Variants in USH1C observed in about 807,000 individuals in gnomAD.
The protein encoded by USH1C is harmonin.
Under a neutral mutation model 119.3 loss-of-function variants are expected in USH1C, and 90 were observed. That is an observed-to-expected ratio of 0.75 (90% CI 0.64 to 0.90). The LOEUF is 0.90. Ranked by LOEUF, USH1C falls within the 40% of genes least tolerant of loss-of-function variation. The probability of loss-of-function intolerance (pLI) is 0.00; values close to 1 mark genes in which losing one functional copy is unlikely to be tolerated. For synonymous variants in USH1C, 465 were observed against 443.3 expected (o/e 1.05, Z -0.62); for missense variants, 1,165 against 1,167.7 (o/e 1.00, Z 0.03).
At chr11:17,512,107 G>C in intron 15 of USH1C, 53 bp from the exon 16 acceptor site, 1 of 1,594,436 alleles carries the variant, frequency 6.3e-7, no homozygotes. Context: ...AGTGTCGACA[G>C]CACAGCACAC....
rs1392099861 is a variant in USH1C, at chr11:17,509,826, G to T, written c.1543C>A (p.Pro515Thr). ...GACACAGAAGGCGGGGGAGGCGGGG[G>T]CCCTGTGGTCATCTGGGGGTGTTGC... ...DNEISEMTTGPPPPPPSVSPL... is the reference protein window; with the variant it reads ...DNEISEMTTGTPPPPPSVSPL... Residue 515 changes from proline (P) to threonine (T), a missense_variant, in exon 18 of 27, where the codon CCC becomes ACC. Transcript: ENST00000005226. The T allele has an allele frequency of 4.4e-6, 7 of 1,595,378 alleles. No individual in the cohort carries two copies. In the East Asian group the frequency reaches 1.6e-4, roughly 36 times the overall value.
chr11:17,543,569 C>T (rs961307044), intron 1 of USH1C, among the ~76,000 whole-genome samples: 2 of 152,178 alleles, frequency 1.3e-5, no homozygotes, highest in African/African-American at 4.8e-5. Flanking sequence ...CTGTGTGAAA[C>T]CTGGCCACTT....
intron 14 of USH1C, chr11:17,517,507 C>A (rs1365667535): frequency 1.7e-5 from 27 of 1,563,586 alleles, no homozygotes; most frequent in Non-Finnish European, 2.3e-5. Flanking sequence ...AGCTGGTGAA[C>A]CAAAAGGGAC....
intron 8 of USH1C, among the ~76,000 whole-genome samples, chr11:17,525,757 C>T (rs898160950): frequency 1.3e-5 from 2 of 152,188 alleles, no homozygotes; most frequent in Admixed American, 1.3e-4. Flanking sequence ...CAAACAGGCT[C>T]CTTTTGCAGT....
intron 13 of USH1C, 73 bp from the exon 14 acceptor site, chr11:17,521,067 C>A: frequency 6.3e-7 from 1 of 1,595,442 alleles, no homozygotes; most frequent in Non-Finnish European, 8.6e-7. Context: ...ATCGGAGAGC[C>A]CCAGCCAGCC....
At chr11:17,508,709 A>C (rs1021444253) in intron 18 of USH1C, among the ~76,000 whole-genome samples, 1 of 152,180 alleles carries the variant, frequency 6.6e-6, no homozygotes, top group African/African-American at 2.4e-5. Context: ...AAACATTCCT[A>C]TTCTTTTAAT....
chr11:17,528,337 C>G (rs1850803175), intron 4 of USH1C, among the ~76,000 whole-genome samples: 1 of 152,180 alleles, frequency 6.6e-6, no homozygotes, highest in Non-Finnish European at 1.5e-5. Flanking sequence ...GCCGGCTCCT[C>G]CAGGCACCCC....
intron 23 of USH1C, 31 bp downstream of exon 23, chr11:17,501,020 C>A (rs887153718): frequency 1.9e-6 from 3 of 1,597,566 alleles, no homozygotes; most frequent in African/African-American, 2.7e-5. Context: ...TGTATCATCC[C>A]CAAACCTGGG....
chr11:17,515,332 G>GA, intron 15 of USH1C, among the ~76,000 whole-genome samples: 1 of 152,304 alleles, frequency 6.6e-6, no homozygotes, highest in East Asian at 1.9e-4. Context: ...CCTCTGTCAG[G>GA]AAAAATATTA....
At position 17,498,164 on chromosome 11, in the gene USH1C, C is replaced by T. The variant is rs142751309; in HGVS notation, c.2488G>A (p.Gly830Arg). ...AALQKAWNQG[G>R]DWIDLVVAVC... ...GGAGGGAGGGGCCTTATTCTTACCC[C>T]GCCCTGATTCCAGGCCTTCTGCAGG... Residue 830 changes from glycine to arginine, a missense_variant and splice_region_variant, in exon 24 of 27, where the codon GGG becomes AGG. Coordinates refer to ENST00000005226, the MANE Select transcript of USH1C (RefSeq NM_153676.4). 1,265 of 1,613,860 alleles carry T rather than the reference C, an allele frequency of 7.8e-4. 6 individuals are homozygous for T. The African/African-American group carries it at 0.014, about 18-fold the overall frequency.
intron 23 of USH1C, among the ~76,000 whole-genome samples, chr11:17,499,405 G>A (rs1482464990): frequency 6.6e-6 from 1 of 152,232 alleles, no homozygotes; most frequent in Admixed American, 6.5e-5. Flanking sequence ...TCTGTGCAGT[G>A]CAACTGGGGA....
At chr11:17,540,335 G>A (rs969546864) in intron 1 of USH1C, among the ~76,000 whole-genome samples, 1 of 152,024 alleles carries the variant, frequency 6.6e-6, no homozygotes, top group Non-Finnish European at 1.5e-5. Flanking sequence ...CCCTGTGCCT[G>A]GCACAGCAAT....
intron 1 of USH1C, among the ~76,000 whole-genome samples, chr11:17,543,987 A>G (rs1851587458): frequency 6.6e-6 from 1 of 152,240 alleles, no homozygotes; most frequent in Non-Finnish European, 1.5e-5. Context: ...CAAGACTGGA[A>G]GGAATTCAAA....
At chr11:17,529,121 A>T (rs1320913139) in intron 4 of USH1C, among the ~76,000 whole-genome samples, 8 of 123,978 alleles carry the variant, frequency 6.5e-5, no homozygotes, top group Non-Finnish European at 1.4e-4. Flanking sequence ...CCCTCTCTGG[A>T]TCCTTGCCAC....
At chr11:17,515,374 G>A (rs550907698) in intron 15 of USH1C, among the ~76,000 whole-genome samples, 77 of 152,318 alleles carry the variant, frequency 5.1e-4, no homozygotes, top group African/African-American at 1.8e-3. Flanking sequence ...ATGTGCTGGA[G>A]GAAGGGGGTA....
intron 20 of USH1C, among the ~76,000 whole-genome samples, chr11:17,504,424 C>T (rs1223581013): frequency 6.6e-6 from 1 of 152,184 alleles, no homozygotes; most frequent in African/African-American, 2.4e-5. Context: ...TGCTGTTTCT[C>T]AGCTCATGCA....
intron 9 of USH1C, among the ~76,000 whole-genome samples, chr11:17,524,048 T>C (rs1300288260): frequency 5.3e-5 from 8 of 152,216 alleles, no homozygotes; most frequent in African/African-American, 1.7e-4. Flanking sequence ...AGCCCTACCA[T>C]ATGAGGTACA....
At chr11:17,509,210 T>A (rs952871434) in intron 18 of USH1C, 146 bp downstream of exon 18, 7 of 1,157,242 alleles carry the variant, frequency 6.0e-6, no homozygotes, top group South Asian at 1.8e-5. Context: ...TGTCCACACA[T>A]GCACACGGAG....
At chr11:17,504,316 C>T (rs929618891) in intron 20 of USH1C, among the ~76,000 whole-genome samples, 4 of 152,200 alleles carry the variant, frequency 2.6e-5, no homozygotes, top group Non-Finnish European at 5.9e-5. Context: ...AGGGCTGGAG[C>T]GAGGGCCCAT....
Sources: gnomAD v4.1 joint callset for allele counts (sites outside exome capture counted in the v4.1 genomes callset) on GRCh38, gnomAD v4.1.1 for gene constraint, MANE v1.5 for transcripts, NCBI Gene and HGNC (gene_info 2026-07-23, HGNC 2026-07-21) for gene names.